Variants in GRIA1 observed in about 807,000 individuals in gnomAD.
The protein encoded by GRIA1 is glutamate ionotropic receptor AMPA type subunit 1.
GRIA1 carries 31 observed loss-of-function variants against 99.2 expected under a neutral mutation model. That is an observed-to-expected ratio of 0.31 (90% CI 0.23 to 0.42). GRIA1 has a LOEUF of 0.42. GRIA1 is among the 10% of genes least tolerant of loss of function. The pLI, the probability that GRIA1 is intolerant of heterozygous loss-of-function variation, is 1.00. For synonymous variants in GRIA1, 438 were observed against 432.4 expected, an observed-to-expected ratio of 1.01 and a Z score of -0.16; for missense variants, 782 against 1,157.5, an observed-to-expected ratio of 0.68 and a Z score of 4.71.
chr5:153,560,324 C>G (rs1021321969), intron 2 of GRIA1, among the ~76,000 whole-genome samples: 1 of 152,144 alleles, frequency 6.6e-6, no homozygotes, highest in South Asian at 2.1e-4. Context: ...TTGTCATCTC[C>G]TTCTAGATAA....
chr5:153,508,990 A>G (rs1477982959), intron 2 of GRIA1, among the ~76,000 whole-genome samples: 1 of 152,204 alleles, frequency 6.6e-6, no homozygotes, highest in Non-Finnish European at 1.5e-5. Context: ...GCTAAGCTTT[A>G]TCATGCAAAT....
At chr5:153,491,825 A>C (rs1420196329) in intron 1 of GRIA1, among the ~76,000 whole-genome samples, 1 of 151,400 alleles carries the variant, frequency 6.6e-6, no homozygotes, top group Non-Finnish European at 1.5e-5. Flanking sequence ...TTTGTTCCCC[A>C]TTTCCCCTTC....
intron 2 of GRIA1, among the ~76,000 whole-genome samples, chr5:153,598,704 A>G (rs1764630003): frequency 6.6e-6 from 1 of 152,046 alleles, no homozygotes; most frequent in Non-Finnish European, 1.5e-5. Context: ...GCCAATATTT[A>G]TTGGGCTCTT....
rs535957491 is a variant in GRIA1, at chr5:153,646,430, G to C, written c.221-498G>C. Among the ~76,000 whole-genome samples the C allele has an allele frequency of 2.6e-5, 4 of 152,244 alleles. No homozygotes were observed. The East Asian group carries it at 7.7e-4, about 29-fold the overall frequency. On this transcript the variant is annotated intron_variant, in intron 2 of 15. Transcript: ENST00000285900. ...TGAGGGGAAGATCGTTAGATTAAGA[G>C]TCAAGAATATCTGCCCAAGTCATAT...
At chr5:153,682,931 G>A (rs1157399405) in intron 7 of GRIA1, among the ~76,000 whole-genome samples, 2 of 152,212 alleles carry the variant, frequency 1.3e-5, no homozygotes, top group African/African-American at 4.8e-5. Flanking sequence ...CCTCCCATCA[G>A]CAGCAGACTC....
intron 8 of GRIA1, among the ~76,000 whole-genome samples, chr5:153,686,579 T>G (rs528905953): frequency 2.6e-4 from 39 of 152,302 alleles, no homozygotes; most frequent in African/African-American, 9.1e-4. Flanking sequence ...CCCAGGATGC[T>G]TGTGAAAATC....
intron 2 of GRIA1, among the ~76,000 whole-genome samples, chr5:153,579,852 A>G (rs1056870963): frequency 6.6e-6 from 1 of 151,882 alleles, no homozygotes; most frequent in Non-Finnish European, 1.5e-5. Context: ...AAGACCCCTC[A>G]GCTCCTGCGG....
intron 2 of GRIA1, among the ~76,000 whole-genome samples, chr5:153,634,632 C>T (rs1156633577): frequency 6.6e-6 from 1 of 152,144 alleles, no homozygotes; most frequent in Non-Finnish European, 1.5e-5. Context: ...TTGGCAGACT[C>T]TTGATTGATC....
At chr5:153,490,555 G>C, upstream of GRIA1, 1 of 400,426 alleles carries the variant, frequency 2.5e-6, no homozygotes, top group Non-Finnish European at 4.6e-6. Context: ...AGTGTGAGGG[G>C]GAGAGCGAGA....
intron 2 of GRIA1, among the ~76,000 whole-genome samples, chr5:153,515,321 T>C (rs1756507888): frequency 6.6e-6 from 1 of 152,204 alleles, no homozygotes; most frequent in South Asian, 2.1e-4. Flanking sequence ...TTCTGTTATC[T>C]GTGACAACAT....
At chr5:153,706,733 G>A (rs1393636301) in intron 11 of GRIA1, among the ~76,000 whole-genome samples, 2 of 152,078 alleles carry the variant, frequency 1.3e-5, no homozygotes, top group African/African-American at 2.4e-5. Flanking sequence ...CTTTTCTTTG[G>A]TTCTGAGAAA....
At chr5:153,779,117 TA>T (rs1306056177) in intron 13 of GRIA1, among the ~76,000 whole-genome samples, 1 of 152,190 alleles carries the variant, frequency 6.6e-6, no homozygotes, top group Non-Finnish European at 1.5e-5. Context: ...ACATTCGTTT[TA>T]TACCAATGAT....
chr5:153,749,367 G>GTT lies in GRIA1; in HGVS notation c.1824-15067_1824-15066insTT, dbSNP rs1164184485. Among the ~76,000 whole-genome samples the GTT allele has an allele frequency of 2.0e-5, 3 of 152,104 alleles. No homozygotes were observed. The East Asian group carries it at 5.8e-4, about 29-fold the overall frequency. ...TTGCTATAAAGGCTTACCCCTGGCTGGGTAATTTATAAAGAAAAGAAGTTT... is the reference window on the plus strand; with the variant it reads ...TTGCTATAAAGGCTTACCCCTGGCTGTTGGTAATTTATAAAGAAAAGAAGTTT... On this transcript the variant is annotated intron_variant, in intron 11 of 15. Coordinates refer to ENST00000285900, the MANE Select transcript of GRIA1 (RefSeq NM_000827.4).
chr5:153,803,065 T>C (rs971159251), intron 15 of GRIA1, among the ~76,000 whole-genome samples: 1 of 152,106 alleles, frequency 6.6e-6, no homozygotes, highest in Admixed American at 6.5e-5. Context: ...GTCTGTAAAA[T>C]ACCAATATTT....
In GRIA1 at chr5:153,611,327, A is replaced by G. The variant is rs150614499; in HGVS notation, c.221-35601A>G. Among the ~76,000 whole-genome samples the G allele has an allele frequency of 1.6e-3, 242 of 152,322 alleles. 1 individual carries two copies. Among genetic ancestry groups the G allele is most frequent in the African/African-American group, 5.7e-3 (237 of 41,566 alleles). On this transcript the variant is annotated intron_variant, in intron 2 of 15. Coordinates refer to ENST00000285900, the MANE Select transcript of GRIA1 (RefSeq NM_000827.4). Reference sequence around the variant, plus strand: ...CACCATGGAAACTGGCAAATCCTACATTCTTTTTTTCCTGGAAAGCTGGTT... The same window carrying G: ...CACCATGGAAACTGGCAAATCCTACGTTCTTTTTTTCCTGGAAAGCTGGTT...
chr5:153,527,923 T>C (rs1295257538), intron 2 of GRIA1, among the ~76,000 whole-genome samples: 1 of 152,226 alleles, frequency 6.6e-6, no homozygotes, highest in Non-Finnish European at 1.5e-5. Context: ...GTCCATCATG[T>C]ATTTCAGATG....
chr5:153,639,639 A>G (rs559614619), intron 2 of GRIA1, among the ~76,000 whole-genome samples: 1 of 152,178 alleles, frequency 6.6e-6, no homozygotes, highest in African/African-American at 2.4e-5. Context: ...CGCAGCATCC[A>G]AAATGGCCTT....
At chr5:153,743,087 AAGTG>A (rs1360307586) in intron 11 of GRIA1, among the ~76,000 whole-genome samples, 1 of 152,304 alleles carries the variant, frequency 6.6e-6, no homozygotes, top group African/African-American at 2.4e-5. Context: ...AGCAGCCTGA[AAGTG>A]AGCCTTTATT....
chr5:153,650,337 C>A lies in GRIA1; in HGVS notation c.468C>A (p.Ser156=), dbSNP rs756053811. ...TACTCATCTGAACTTTAGGCTTATCCGTCCTGCAGAAAGTCCTGGATACAG... is the reference window on the plus strand; with the variant it reads ...TACTCATCTGAACTTTAGGCTTATCAGTCCTGCAGAAAGTCCTGGATACAG... ...VYIYDADRGL[S]VLQKVLDTAA... is the part of the protein sequence containing the mutation. Residue 156 remains serine (S), a synonymous_variant, in exon 4 of 16, where the codon TCC becomes TCA. Coordinates refer to ENST00000285900, the MANE Select transcript of GRIA1 (RefSeq NM_000827.4). 3.7e-6 allele frequency: 6 copies of A among 1,613,144 alleles called. No individual in the cohort carries two copies. In the African/African-American group the frequency reaches 8.0e-5, roughly 22 times the overall value.
Sources: gnomAD v4.1 joint callset for allele counts (sites outside exome capture counted in the v4.1 genomes callset) on GRCh38, gnomAD v4.1.1 for gene constraint, MANE v1.5 for transcripts, NCBI Gene and HGNC (gene_info 2026-07-23, HGNC 2026-07-21) for gene names.